The following BLTP1 variants were observed in gnomAD, a reference collection of about 807,000 sequenced individuals.
The protein encoded by BLTP1 is bridge-like lipid transfer protein family member 1.
the BLTP1 span, among the ~76,000 whole-genome samples, chr4:122,309,807 A>G: frequency 6.6e-6 from 1 of 152,100 alleles, no homozygotes; most frequent in African/African-American, 2.4e-5. Flanking sequence ...CCAACTCACC[A>G]TAAAACACAG....
the BLTP1 span, among the ~76,000 whole-genome samples, chr4:122,252,097 A>G: frequency 6.6e-6 from 1 of 152,178 alleles, no homozygotes; most frequent in African/African-American, 2.4e-5. Context: ...TCCTGGCAGG[A>G]TCAATCACCT....
the BLTP1 span, chr4:122,274,159 T>G: frequency 6.3e-6 from 1 of 158,660 alleles, no homozygotes; most frequent in Non-Finnish European, 1.4e-5. Flanking sequence ...ATGTATTAAA[T>G]GCAGAGAAAT....
the BLTP1 span, chr4:122,185,994 T>A: frequency 6.9e-7 from 1 of 1,443,860 alleles, no homozygotes; most frequent in Admixed American, 2.3e-5. Flanking sequence ...TTGAAGTTCT[T>A]AAAAAGTTGA....
At chr4:122,316,333 C>T in the BLTP1 span, 2 of 456,382 alleles carry the variant, frequency 4.4e-6, no homozygotes, top group Admixed American at 2.4e-5. Context: ...TTTAATATTA[C>T]TGTTTATTAC....
At chr4:122,212,892 T>C in the BLTP1 span, among the ~76,000 whole-genome samples, 2 of 135,730 alleles carry the variant, frequency 1.5e-5, no homozygotes, top group Non-Finnish European at 3.3e-5. Context: ...AAAATGTCTA[T>C]TAAAGCAAAT....
At chr4:122,252,518 C>T in the BLTP1 span, among the ~76,000 whole-genome samples, 1 of 152,168 alleles carries the variant, frequency 6.6e-6, no homozygotes, top group Non-Finnish European at 1.5e-5. Flanking sequence ...TGTGACAGTA[C>T]TCCCCATGGG....
chr4:122,163,102 A>G, the BLTP1 span, among the ~76,000 whole-genome samples: 3 of 152,242 alleles, frequency 2.0e-5, no homozygotes, highest in African/African-American at 7.2e-5. Context: ...CTAGTTATAA[A>G]TAATAAAAAC....
At chr4:122,288,935 A>T in the BLTP1 span, 1 of 917,634 alleles carries the variant, frequency 1.1e-6, no homozygotes, top group South Asian at 2.0e-5. Context: ...CGTATTAGGA[A>T]CGCTGAATAT....
At chr4:122,302,345 G>A in the BLTP1 span, 3 of 682,862 alleles carry the variant, frequency 4.4e-6, no homozygotes, top group Non-Finnish European at 5.4e-6. Flanking sequence ...CACAGGTATT[G>A]AGGTTTTTTT....
the BLTP1 span, among the ~76,000 whole-genome samples, chr4:122,165,057 G>A: frequency 2.6e-5 from 4 of 152,042 alleles, no homozygotes; most frequent in Non-Finnish European, 4.4e-5. Flanking sequence ...TTCTAGTGTA[G>A]TTGCACCTAT....
At chr4:122,286,781 C>T in the BLTP1 span, 1 of 1,607,054 alleles carries the variant, frequency 6.2e-7, no homozygotes, top group Non-Finnish European at 8.5e-7. Flanking sequence ...CGTTGTGTGG[C>T]AGAAGTAAGT....
the BLTP1 span, chr4:122,263,423 A>G: frequency 1.3e-6 from 2 of 1,573,680 alleles, no homozygotes; most frequent in Admixed American, 3.9e-5. Context: ...TATTATACTC[A>G]GAAACATTTT....
chr4:122,207,875 C>T, the BLTP1 span: 1 of 984,132 alleles, frequency 1.0e-6, no homozygotes, highest in Non-Finnish European at 1.2e-6. Context: ...TCTTAGAGTT[C>T]ATTTCTGATC....
At chr4:122,340,911 A>G in the BLTP1 span, 53 of 823,830 alleles carry the variant, frequency 6.4e-5, no homozygotes, top group Non-Finnish European at 6.4e-5. Context: ...CGATAACACT[A>G]CAACATTTCT....
the BLTP1 span, chr4:122,343,614 T>C: frequency 1.2e-6 from 2 of 1,613,334 alleles, no homozygotes; most frequent in East Asian, 4.5e-5. Flanking sequence ...GGATTAGGTA[T>C]ACTTTGCATG....
chr4:122,175,939 T>A, the BLTP1 span: 1 of 1,059,520 alleles, frequency 9.4e-7, no homozygotes, highest in Non-Finnish European at 1.5e-6. Flanking sequence ...TTTATGTGTT[T>A]AAAATGTTCA....
the BLTP1 span, chr4:122,208,500 C>G: frequency 2.1e-6 from 2 of 950,134 alleles, no homozygotes; most frequent in Non-Finnish European, 2.5e-6. Flanking sequence ...ATGAGACTTA[C>G]TAGAATCAAA....
At chr4:122,359,270 A>C in the BLTP1 span, 1 of 929,948 alleles carries the variant, frequency 1.1e-6, no homozygotes, top group Non-Finnish European at 1.3e-6. Flanking sequence ...AAATAAACCT[A>C]CTACAGCCAT....
the BLTP1 span, chr4:122,153,086 A>T: frequency 2.1e-6 from 2 of 960,284 alleles, no homozygotes; most frequent in Non-Finnish European, 2.5e-6. Flanking sequence ...ACTACGTTTC[A>T]GCAGAATTTC....
Sources: gnomAD v4.1 joint callset for allele counts (sites outside exome capture counted in the v4.1 genomes callset) on GRCh38, gnomAD v4.1.1 for gene constraint, MANE v1.5 for transcripts, NCBI Gene and HGNC (gene_info 2026-07-23, HGNC 2026-07-21) for gene names.